The following SLX4 variants were observed in gnomAD, a reference collection of about 807,000 sequenced individuals.
SLX4 encodes SLX4 structure-specific endonuclease subunit.
In SLX4, 112 loss-of-function variants were observed where a neutral mutation model predicts 146.2. The observed-to-expected ratio is 0.77, with a 90% CI of 0.66 to 0.90. The LOEUF (loss-of-function observed/expected upper bound fraction) is 0.90. Among genes scored for constraint, SLX4 ranks in the 40% least tolerant of loss-of-function variants. SLX4 has a pLI of 0.00. For missense variants in SLX4, 2,563 were observed against 2,392.7 expected, an observed-to-expected ratio of 1.07 and a Z score of -1.49; for synonymous variants, 1,061 against 997.7, an observed-to-expected ratio of 1.06 and a Z score of -1.20.
chr16:3,597,898 A>G lies in SLX4; in HGVS notation c.1265T>C (p.Leu422Pro), dbSNP rs1567174283. The G allele has an allele frequency of 1.9e-6, 3 of 1,614,134 alleles. No individual in the cohort carries two copies. Among genetic ancestry groups the G allele is most frequent in the Non-Finnish European group, 2.5e-6 (3 of 1,180,034 alleles). The change falls in exon 6 of 15, where the codon CTG becomes CCG. Residue 422 changes from leucine (L) to proline (P), a missense_variant. Transcript: ENST00000294008. The surrounding 1 kb of genome is among the most constrained non-coding windows in gnomAD (Gnocchi z 4.4). The part of the protein sequence containing the change: ...KVDEAPSEDL[L>P]VAMALSRSEM... ...CGACCGGGACAGAGCCATGGCCACC[A>G]GCAGGTCCTCGGACGGTGCCTCGTC...
At chr16:3,593,456 G>A (rs966921619) in intron 10 of SLX4, among the ~76,000 whole-genome samples, 2 of 152,114 alleles carry the variant, frequency 1.3e-5, no homozygotes, top group Non-Finnish European at 2.9e-5. Flanking sequence ...GGCCTCAAGC[G>A]ATCCTCCCAC....
chr16:3,592,273 C>T (rs2151126756), intron 11 of SLX4, among the ~76,000 whole-genome samples: 1 of 152,374 alleles, frequency 6.6e-6, no homozygotes, highest in South Asian at 2.1e-4. Context: ...CTGGACAAGC[C>T]AGGAGAGCTG....
At position 3,600,976 on chromosome 16, in the gene SLX4, T is replaced by C. The variant is rs765509115; in HGVS notation, c.1163+3A>G. The C allele has an allele frequency of 4.3e-5, 70 of 1,613,242 alleles. No homozygotes were observed. Among genetic ancestry groups the C allele is most frequent in the Non-Finnish European group, 5.7e-5 (67 of 1,179,940 alleles). ...TTGGTTTTCTTCCTTTTCGTCGACT[T>C]ACCTGAACATGGGTGGGCTGCTGCT... On this transcript the variant is annotated splice_donor_region_variant and intron_variant, in intron 5 of 14. Transcript: ENST00000294008.
chr16:3,583,603 T>C, intron 13 of SLX4, 93 bp from the exon 14 acceptor site: 3 of 1,385,802 alleles, frequency 2.2e-6, no homozygotes, highest in Non-Finnish European at 3.1e-6. Context: ...ACCCAATGCA[T>C]TCAGCGAATG....
At position 3,602,153 on chromosome 16, in the gene SLX4, G is replaced by A; in HGVS notation, c.915C>T (p.Ala305=). Residue 305 remains alanine, a synonymous_variant, in exon 4 of 15, where the codon GCC becomes GCT. Coordinates refer to ENST00000294008, the MANE Select transcript of SLX4 (RefSeq NM_032444.4). ...GCTGTTCCCTTCGGGTCACGTTCAT[G>A]GCTGAGAGGTTCTTTTGACAAATCT... is the stretch of plus-strand genomic sequence containing the variant. The part of the protein sequence containing the change: ...FCQICQKNLS[A]MNVTRREQHV... 1 of 1,614,106 alleles carries A rather than the reference G, an allele frequency of 6.2e-7. No individual in the cohort carries two copies. The highest frequency in any genetic ancestry group is 8.5e-7 in the Non-Finnish European group (1 of 1,180,022).
Position 3,597,116 on chromosome 16 carries a change from C to T in SLX4, c.1683+263G>A, listed in dbSNP as rs986235034. Among the ~76,000 whole-genome samples the T allele has an allele frequency of 7.2e-5, 11 of 152,172 alleles. No homozygotes were observed. Among genetic ancestry groups the T allele is most frequent in the African/African-American group, 2.2e-4 (9 of 41,462 alleles). ...GATTACGGGCGTGAGCCACTGCGCC[C>T]GGCCGGGACTCTGCATTTTCAACAA... On this transcript the variant is annotated intron_variant, in intron 7 of 14. Coordinates refer to ENST00000294008, the MANE Select transcript of SLX4 (RefSeq NM_032444.4). The surrounding 1 kb of genome is among the most constrained non-coding windows in gnomAD (Gnocchi z 4.4).
At chr16:3,610,552 C>T (rs181898823) in intron 1 of SLX4, among the ~76,000 whole-genome samples, 512 of 152,258 alleles carry the variant, frequency 3.4e-3, no homozygotes, top group Non-Finnish European at 4.1e-3. Flanking sequence ...CAAGGAAACA[C>T]GCGCAAGCAG....
rs1281007420 is a variant in SLX4, at chr16:3,595,629, G to A, written c.1989C>T (p.His663=). The change falls in exon 9 of 15, where the codon CAC becomes CAT. Residue 663 remains histidine, a synonymous_variant. Transcript: ENST00000294008. ...CCAAGGTGCGGCCGCCCCTGTCCGG[G>A]TGCTTGTCCTGCGATGGCACCACAA... ...TGFVVPSQDK[H]PDRGGRTLLS... 1.2e-6 allele frequency: 2 copies of A among 1,614,028 alleles called. No individual in the cohort carries two copies. The highest frequency in any genetic ancestry group is 1.7e-5 in the Admixed American group (1 of 60,024).
In SLX4 at chr16:3,583,100, T is replaced by G. The variant is rs766089444; in HGVS notation, c.5150A>C (p.Gln1717Pro). Residue 1717 changes from glutamine to proline, a missense_variant, in exon 14 of 15, where the codon CAG (glutamine) becomes CCG (proline). Physicochemically the swap from Gln to Pro is moderately conservative, Grantham distance 76 (BLOSUM62 -1). Transcript: ENST00000294008. ...VDGSDSSLSS[Q>P]SSSSCEFGAA... ...CCCATCGCATCCATCCGGTTACCTC[T>G]GTGAGCTCAAGGAGCTGTCACTGCC... 6 of 1,614,102 alleles carry G rather than the reference T, an allele frequency of 3.7e-6. No homozygotes were observed. The highest frequency in any genetic ancestry group is 1.7e-5 in the Admixed American group (1 of 60,008).
rs1222347051 is a variant in SLX4, at chr16:3,583,087, A to G, written c.5153+10T>C. On this transcript the variant is annotated intron_variant, in intron 14 of 14. Transcript: ENST00000294008. Reference sequence around the variant, plus strand: ...TGAGGCCACTGACCCCATCGCATCCATCCGGTTACCTCTGTGAGCTCAAGG... The same window carrying G: ...TGAGGCCACTGACCCCATCGCATCCGTCCGGTTACCTCTGTGAGCTCAAGG... The G allele has an allele frequency of 1.9e-6, 3 of 1,614,236 alleles. No individual in the cohort carries two copies. The highest frequency in any genetic ancestry group is 2.5e-6 in the Non-Finnish European group (3 of 1,180,038).
At chr16:3,587,421 G>A (rs996431579) in intron 12 of SLX4, among the ~76,000 whole-genome samples, 3 of 151,980 alleles carry the variant, frequency 2.0e-5, no homozygotes, top group Non-Finnish European at 4.4e-5. Flanking sequence ...CCTTGAACCC[G>A]AGAGGTGGAG....
intron 3 of SLX4, among the ~76,000 whole-genome samples, chr16:3,605,839 C>T (rs1487497302): frequency 2.8e-5 from 4 of 143,904 alleles, no homozygotes; most frequent in Non-Finnish European, 6.0e-5. Flanking sequence ...CCCAGCTACT[C>T]GGGAGGCTGA....
At position 3,591,055 on chromosome 16, in the gene SLX4, C is replaced by CT; in HGVS notation, c.2582dup (p.Arg862AlafsTer17). The CT allele has an allele frequency of 6.2e-7, 1 of 1,614,188 alleles. No homozygotes were observed. Among genetic ancestry groups the CT allele is most frequent in the African/African-American group, 1.3e-5 (1 of 75,068 alleles). On this transcript the variant is annotated frameshift_variant, in exon 12 of 15. Coordinates refer to ENST00000294008, the MANE Select transcript of SLX4 (RefSeq NM_032444.4). LOFTEE classifies it high-confidence loss of function. ...CCCTTTCTTCCTGGAGAAGCTTTCG[C>CT]TGAGTAGCTGCAAATTCATAAATTT...
chr16:3,585,376 G>A (rs1219620877), intron 12 of SLX4, among the ~76,000 whole-genome samples: 2 of 152,094 alleles, frequency 1.3e-5, no homozygotes, highest in Admixed American at 6.6e-5. Flanking sequence ...CACGAGGTCA[G>A]GAGATCGAGA....
At chr16:3,592,609 A>G in intron 11 of SLX4, 90 bp downstream of exon 11, 1 of 1,451,142 alleles carries the variant, frequency 6.9e-7, no homozygotes, top group East Asian at 2.4e-5. Flanking sequence ...TCTTGGCCTC[A>G]GCCCCGAGCC....
intron 11 of SLX4, among the ~76,000 whole-genome samples, chr16:3,591,924 G>A (rs2040599205): frequency 6.6e-6 from 1 of 152,222 alleles, no homozygotes; most frequent in African/African-American, 2.4e-5. Context: ...GGAGGCGGAG[G>A]CAGGAGGATT....
rs2040719573 is a variant in SLX4, at chr16:3,600,968, C to T, written c.1163+11G>A. On this transcript the variant is annotated intron_variant, in intron 5 of 14. Transcript: ENST00000294008. ...TATTTGGCTTGGTTTTCTTCCTTTT[C>T]GTCGACTTACCTGAACATGGGTGGG... The T allele has an allele frequency of 2.5e-6, 4 of 1,612,752 alleles. No homozygotes were observed. Among genetic ancestry groups the T allele is most frequent in the East Asian group, 2.2e-5 (1 of 44,882 alleles).
chr16:3,582,151 A>G lies in SLX4; in HGVS notation c.*191T>C, dbSNP rs979682142. 7.3e-5 allele frequency: 44 copies of G among 605,924 alleles called. No individual in the cohort carries two copies. In the African/African-American group the frequency reaches 8.0e-4, roughly 11 times the overall value. 37.5% of individuals were successfully genotyped at this position (605,924 alleles called of 1,614,324 possible). The stretch of plus-strand genomic sequence containing the variant: ...GGTGACATGCTCCAAATGCCACCCT[A>G]GAAAGCAGAGCCCAGAGGAGGAAGC... On this transcript the variant is annotated 3_prime_UTR_variant, in exon 15 of 15. Coordinates refer to ENST00000294008, the MANE Select transcript of SLX4 (RefSeq NM_032444.4).
Position 3,597,666 on chromosome 16 carries a change from C to A in SLX4, c.1396G>T (p.Val466Leu). 2 of 1,613,888 alleles carry A rather than the reference C, an allele frequency of 1.2e-6. No individual in the cohort carries two copies. The highest frequency in any genetic ancestry group is 1.7e-6 in the Non-Finnish European group (2 of 1,179,976). ...TGGACTAACAACAATGGGGGGGATA[C>A]CGGGGGTTTCTTCTTGCGACTTTTA... ...ENKSRKKKPP[V>L]SPPLLLVQDS... Residue 466 changes from valine to leucine, a missense_variant, in exon 7 of 15, where the codon GTA (valine) becomes TTA (leucine). Val to Leu is a conservative substitution (Grantham distance 32). Coordinates refer to ENST00000294008, the MANE Select transcript of SLX4 (RefSeq NM_032444.4). This position sits in a 1 kb window ranked among gnomAD's most constrained non-coding sequence, Gnocchi z 4.4.
Sources: allele counts gnomAD v4.1 joint callset (sites outside exome capture counted in the v4.1 genomes callset), GRCh38; gene constraint gnomAD v4.1.1; non-coding constraint Gnocchi (gnomAD v3.1); transcripts MANE v1.5; gene names NCBI Gene and HGNC (gene_info 2026-07-23, HGNC 2026-07-21).